The following SEMA3A variants were observed in gnomAD, a reference collection of about 807,000 sequenced individuals.
SEMA3A encodes the protein semaphorin-3A.
Under a neutral mutation model 97.9 loss-of-function variants are expected in SEMA3A, and 29 were observed. The observed-to-expected ratio is 0.30, with a 90% CI of 0.22 to 0.40. The LOEUF (loss-of-function observed/expected upper bound fraction) is 0.40. SEMA3A is among the 10% of genes least tolerant of loss of function. The probability of loss-of-function intolerance (pLI) is 1.00; values close to 1 mark genes in which losing one functional copy is unlikely to be tolerated. For synonymous variants in SEMA3A, 321 were observed against 323.7 expected (o/e 0.99, Z 0.09); for missense variants, 763 against 951.3 (o/e 0.80, Z 2.60).
intron 1 of SEMA3A, among the ~76,000 whole-genome samples, chr7:84,421,525 T>C (rs943425030): frequency 2.0e-5 from 3 of 152,116 alleles, no homozygotes; most frequent in East Asian, 1.9e-4. Flanking sequence ...TCTTGCCTGA[T>C]TGCCCTGGCC....
At chr7:84,144,958 G>A (rs1435752438) in intron 1 of SEMA3A, among the ~76,000 whole-genome samples, 1 of 152,054 alleles carries the variant, frequency 6.6e-6, no homozygotes, top group Non-Finnish European at 1.5e-5. Flanking sequence ...CACCAATAGA[G>A]TGTGCATAAG....
intron 3 of SEMA3A, among the ~76,000 whole-genome samples, chr7:84,233,822 T>C (rs909823362): frequency 2.8e-4 from 43 of 152,136 alleles, no homozygotes; most frequent in Middle Eastern, 6.8e-3. Context: ...TGGCAAATTT[T>C]GCCATGCAAA....
chr7:84,319,029 T>C (rs931071000), intron 2 of SEMA3A, among the ~76,000 whole-genome samples: 1 of 152,202 alleles, frequency 6.6e-6, no homozygotes, highest in South Asian at 2.1e-4. Flanking sequence ...TGGACATTTA[T>C]TATAATTCAA....
chr7:84,488,044 T>G (rs944747998), intron 1 of SEMA3A, among the ~76,000 whole-genome samples: 4 of 152,050 alleles, frequency 2.6e-5, no homozygotes, highest in African/African-American at 9.7e-5. Flanking sequence ...TAATATGGAC[T>G]GTTAAAAATA....
intron 1 of SEMA3A, among the ~76,000 whole-genome samples, chr7:84,164,602 T>G (rs2116178589): frequency 6.6e-6 from 1 of 152,320 alleles, no homozygotes; most frequent in South Asian, 2.1e-4. Flanking sequence ...TAAACACATT[T>G]AGTCCTAGCA....
At chr7:84,086,254 G>A (rs1419466831) in intron 4 of SEMA3A, among the ~76,000 whole-genome samples, 2 of 151,696 alleles carry the variant, frequency 1.3e-5, no homozygotes, top group African/African-American at 4.8e-5. Context: ...ACAAGAAGAT[G>A]CTGGGTCCTG....
chr7:84,230,740 T>C lies in SEMA3A; in HGVS notation c.-82-36072A>G, dbSNP rs759223927. ...CAGTTTTGCAATAATGTCCTCAAGC[T>C]TGTAATCTTGATTACACAGTTATCT... On this transcript the variant is annotated intron_variant, in intron 3 of 3. Coordinates refer to the SEMA3A transcript ENST00000424555. Among the ~76,000 whole-genome samples, 34 of 152,040 alleles carry C rather than the reference T, an allele frequency of 2.2e-4. No homozygotes were observed. The Admixed American group carries it at 2.2e-3, about 10-fold the overall frequency.
intron 1 of SEMA3A, among the ~76,000 whole-genome samples, chr7:84,484,942 T>A (rs540713842): frequency 6.6e-6 from 1 of 152,250 alleles, no homozygotes; most frequent in African/African-American, 2.4e-5. Flanking sequence ...CTTGGCATGT[T>A]TGTACATATT....
intron 1 of SEMA3A, among the ~76,000 whole-genome samples, chr7:84,479,072 T>A (rs1806375457): frequency 6.6e-6 from 1 of 152,108 alleles, no homozygotes; most frequent in Admixed American, 6.5e-5. Context: ...AACAATTAGG[T>A]CAAGTGTTCT....
intron 13 of SEMA3A, among the ~76,000 whole-genome samples, chr7:83,984,330 T>A (rs1789541931): frequency 1.3e-5 from 2 of 152,130 alleles, no homozygotes; most frequent in Admixed American, 1.3e-4. Flanking sequence ...CAGTGTAAGA[T>A]AACAGTATCA....
rs529706657 is a variant in SEMA3A, at chr7:84,133,808, T to C, written c.270+986A>G. Among the ~76,000 whole-genome samples the C allele has an allele frequency of 2.7e-3, 409 of 150,108 alleles. 3 individuals carry two copies. The highest frequency in any genetic ancestry group is 9.5e-3 in the African/African-American group (386 of 40,742). On this transcript the variant is annotated intron_variant, in intron 2 of 16. Transcript: ENST00000265362. ...GCTCACACCTGTAATCCCAGCACTT[T>C]GAGAGGCCAAGGCGGGCGGATCACT...
intron 5 of SEMA3A, among the ~76,000 whole-genome samples, chr7:84,052,870 A>G (rs1388186400): frequency 6.6e-6 from 1 of 151,096 alleles, no homozygotes; most frequent in Non-Finnish European, 1.5e-5. Flanking sequence ...ATTTCCCTCT[A>G]CACATCACTT....
intron 1 of SEMA3A, among the ~76,000 whole-genome samples, chr7:84,475,232 TAGAGAG>T (rs559534125): frequency 9.2e-5 from 14 of 151,984 alleles, no homozygotes; most frequent in Non-Finnish European, 1.9e-4. Flanking sequence ...AATGGATTGT[TAGAGAG>T]AGAGAGTCTG....
At chr7:84,448,875 G>A (rs553135474) in intron 1 of SEMA3A, among the ~76,000 whole-genome samples, 1 of 151,870 alleles carries the variant, frequency 6.6e-6, no homozygotes, top group East Asian at 1.9e-4. Flanking sequence ...AAATCTGGGG[G>A]CATCACACTT....
chr7:84,318,328 T>TG, intron 2 of SEMA3A, among the ~76,000 whole-genome samples: 1 of 136,938 alleles, frequency 7.3e-6, no homozygotes, highest in African/African-American at 3.0e-5. Flanking sequence ...TTTTTTTTTT[T>TG]TTTTTTTTTT....
chr7:84,220,939 C>T (rs577803610), intron 3 of SEMA3A, among the ~76,000 whole-genome samples: 31 of 152,214 alleles, frequency 2.0e-4, no homozygotes, highest in Admixed American at 1.9e-3. Flanking sequence ...TTGGTCTGTG[C>T]TTTCAAATGT....
intron 3 of SEMA3A, among the ~76,000 whole-genome samples, chr7:84,289,899 T>C (rs1237218102): frequency 6.6e-6 from 1 of 152,120 alleles, no homozygotes; most frequent in Admixed American, 6.6e-5. Flanking sequence ...GGTGTATAAA[T>C]TGTGGCATAT....
intron 3 of SEMA3A, among the ~76,000 whole-genome samples, chr7:84,256,970 T>G (rs1799731861): frequency 6.6e-6 from 1 of 151,998 alleles, no homozygotes; most frequent in Non-Finnish European, 1.5e-5. Context: ...CTCTTCTTTT[T>G]TTTTCTCTTT....
At chr7:84,342,340 G>T (rs993238057) in intron 2 of SEMA3A, among the ~76,000 whole-genome samples, 2 of 151,834 alleles carry the variant, frequency 1.3e-5, no homozygotes, top group African/African-American at 4.8e-5. Context: ...TGCCACTATA[G>T]AATTTTTTTA....
Sources: gnomAD v4.1 joint callset for allele counts (sites outside exome capture counted in the v4.1 genomes callset) on GRCh38, gnomAD v4.1.1 for gene constraint, MANE v1.5 for transcripts, NCBI Gene and HGNC (gene_info 2026-07-23, HGNC 2026-07-21) for gene names.